The following CPZ variants were observed in gnomAD, a reference collection of about 807,000 sequenced individuals.
The protein encoded by CPZ is VEZT/CPZ fusion.
CPZ carries 103 observed loss-of-function variants against 61.8 expected under a neutral mutation model. The observed-to-expected ratio is 1.67, with a 90% confidence interval of 1.42 to 1.96. CPZ has a LOEUF of 1.96. Ranked by LOEUF, CPZ falls within the 30% of genes most tolerant of loss-of-function variation. The pLI is 0.00. For missense variants in CPZ, 1,461 were observed against 914.9 expected (o/e 1.60, Z -7.70); for synonymous variants, 551 against 373.7 (o/e 1.47, Z -5.47).
chr4:8,608,462 C>G (rs937800347), intron 7 of CPZ, among the ~76,000 whole-genome samples: 1 of 152,192 alleles, frequency 6.6e-6, no homozygotes, highest in African/African-American at 2.4e-5. Flanking sequence ...TAGCTGGGCC[C>G]CTGGTTGGCA....
intron 7 of CPZ, 73 bp downstream of exon 7, chr4:8,607,498 A>G: frequency 6.5e-7 from 1 of 1,531,920 alleles, no homozygotes; most frequent in Non-Finnish European, 8.8e-7. Flanking sequence ...GTGCCCCTCC[A>G]GTCCTGAGCT....
At chr4:8,613,576 C>T (rs1213979835) in intron 8 of CPZ, among the ~76,000 whole-genome samples, 1 of 152,238 alleles carries the variant, frequency 6.6e-6, no homozygotes, top group East Asian at 1.9e-4. Flanking sequence ...GCTCAGGAGC[C>T]TTGAACTTCA....
Position 8,618,521 on chromosome 4 carries a change from C to T in CPZ, c.1596C>T (p.Ile532=), listed in dbSNP as rs780173452. ...CAGTCAAAGGCATTCGCCACGACAT[C>T]ACCACAGGTGAGCACGTCCCTGGCT... ...RISVKGIRHD[I]TTAPDGDYWR... Residue 532 remains isoleucine (I), a synonymous_variant, in exon 10 of 11, where the codon ATC becomes ATT. Coordinates refer to ENST00000360986, the MANE Select transcript of CPZ (RefSeq NM_001014447.3). 5.0e-6 allele frequency: 8 copies of T among 1,613,576 alleles called. No homozygotes were observed. The highest frequency in any genetic ancestry group is 6.8e-6 in the Non-Finnish European group (8 of 1,179,994).
rs754042885 is a variant in CPZ, at chr4:8,619,281, G to C, written c.1623G>C (p.Trp541Cys). The change falls in exon 11 of 11, where the codon TGG becomes TGC. Residue 541 changes from tryptophan (W) to cysteine (C), a missense_variant. Trp to Cys is a radical substitution (Grantham distance 215). Transcript: ENST00000360986. ...CCACAGCCCCAGATGGTGACTACTG[G>C]AGACTGCTGCCCCCAGGTATCCACA... ...DITTAPDGDYWRLLPPGIHIV... is the reference protein window; with the variant it reads ...DITTAPDGDYCRLLPPGIHIV... 1.9e-6 allele frequency: 3 copies of C among 1,612,490 alleles called. No individual in the cohort carries two copies. The highest frequency in any genetic ancestry group is 2.5e-6 in the Non-Finnish European group (3 of 1,179,330).
Position 8,614,033 on chromosome 4 carries a change from G to A in CPZ, c.1364-326G>A, listed in dbSNP as rs186694103. Among the ~76,000 whole-genome samples, 267 of 152,380 alleles carry A rather than the reference G, an allele frequency of 1.8e-3. 1 individual carries two copies. Among genetic ancestry groups the A allele is most frequent in the Middle Eastern group, 0.01 (3 of 294 alleles). ...AAGCCTGTGGACTTTGCCGCCAAGC[G>A]GCCTGAGCTCAAGATGCAGCTCTGC... On this transcript the variant is annotated intron_variant, in intron 8 of 10. Coordinates refer to ENST00000360986, the MANE Select transcript of CPZ (RefSeq NM_001014447.3).
rs77931481 is a variant in CPZ at position 8,618,812 on chromosome 4, G to T, written c.1603+284G>T. 4.6e-3 allele frequency among the ~76,000 whole-genome samples: 699 copies of T among 152,336 alleles called. 3 individuals are homozygous for T. The highest frequency in any genetic ancestry group is 0.016 in the African/African-American group (658 of 41,574). On this transcript the variant is annotated intron_variant, in intron 10 of 10. Transcript: ENST00000360986. The stretch of plus-strand genomic sequence containing the variant: ...CCGCCTCCTCCAACATTGCCGGGGA[G>T]AGCCACCTCCACCCCTAAGCCTGTT...
chr4:8,599,753 C>A (rs1714437778), intron 2 of CPZ: 2 of 663,070 alleles, frequency 3.0e-6, no homozygotes, highest in Non-Finnish European at 4.7e-6. Flanking sequence ...CCTCTCCAGT[C>A]CCCACTGCAG....
intron 3 of CPZ, chr4:8,602,893 A>G (rs1443037365): frequency 6.6e-6 from 1 of 152,224 alleles, no homozygotes; most frequent in Non-Finnish European, 1.5e-5. Flanking sequence ...CTCCCATGCG[A>G]TGCAGCGGTA....
At position 8,619,705 on chromosome 4, in the gene CPZ, C is replaced by A; in HGVS notation, c.*88C>A. On this transcript the variant is annotated 3_prime_UTR_variant, in exon 11 of 11. Transcript: ENST00000360986. ...GGCTCTTGATTTTGTCTGCCACAGACATCCCACAAAGCCGCTGCCATTTTA... is the reference window on the plus strand; with the variant it reads ...GGCTCTTGATTTTGTCTGCCACAGAAATCCCACAAAGCCGCTGCCATTTTA... The A allele has an allele frequency of 9.7e-7, 1 of 1,028,988 alleles. No homozygotes were observed. The allele number at this position is 1,028,988 out of a possible 1,614,324, so 63.7% of individuals were successfully genotyped here. A position where few individuals can be genotyped will look rare whatever the true frequency, so the allele number is the denominator to read the frequency against.
At chr4:8,603,495 G>A (rs1279943474) in intron 3 of CPZ, 1 of 161,836 alleles carries the variant, frequency 6.2e-6, no homozygotes, top group Non-Finnish European at 1.3e-5. Flanking sequence ...CAGAAACACT[G>A]GGAAGCCTCA....
intron 1 of CPZ, among the ~76,000 whole-genome samples, chr4:8,594,461 G>T (rs554855020): frequency 6.6e-6 from 1 of 152,200 alleles, no homozygotes; most frequent in Non-Finnish European, 1.5e-5. Flanking sequence ...CTGGGATTCA[G>T]ATTCTGACTC....
chr4:8,611,082 G>T, intron 7 of CPZ: 1 of 362,400 alleles, frequency 2.8e-6, no homozygotes. Context: ...TCATTCATTC[G>T]CTCATTCACT....
chr4:8,600,428 G>A (rs960184257), intron 2 of CPZ, among the ~76,000 whole-genome samples: 3 of 152,214 alleles, frequency 2.0e-5, no homozygotes, highest in African/African-American at 7.2e-5. Context: ...CCATCTGGGG[G>A]TGCGAGTGTG....
Position 8,606,197 on chromosome 4 carries a change from G to A in CPZ, c.906+12G>A, listed in dbSNP as rs756104064. 2.2e-5 allele frequency: 35 copies of A among 1,609,370 alleles called. No homozygotes were observed. The highest frequency in any genetic ancestry group is 2.8e-5 in the Non-Finnish European group (33 of 1,177,360). ...TGGCAGCTGCCGAGGTGAGCGCCCA[G>A]ATGCCTGGATCCTGTGGGCCACCGC... On this transcript the variant is annotated intron_variant, in intron 5 of 10. Transcript: ENST00000360986.
intron 5 of CPZ, 128 bp downstream of exon 5, chr4:8,606,313 G>C: frequency 1.1e-6 from 1 of 925,460 alleles, no homozygotes; most frequent in Non-Finnish European, 1.6e-6. Flanking sequence ...TTCAGCAGGT[G>C]TCGATACTGG....
intron 9 of CPZ, chr4:8,618,213 G>T (rs548261188): frequency 7.0e-6 from 4 of 575,168 alleles, no homozygotes; most frequent in South Asian, 2.0e-5. Context: ...AGCCCAGAAC[G>T]TGCTCGGGTC....
intron 1 of CPZ, 34 bp downstream of exon 1, chr4:8,592,955 C>T: frequency 6.8e-7 from 1 of 1,466,100 alleles, no homozygotes; most frequent in Non-Finnish European, 9.2e-7. Context: ...CCTCCACCCT[C>T]CACCCTGCAA....
At chr4:8,601,529 A>T in intron 3 of CPZ, 32 bp downstream of exon 3, 1 of 1,438,174 alleles carries the variant, frequency 7.0e-7, no homozygotes, top group South Asian at 1.5e-5. Context: ...CTGTGTGGTC[A>T]TGGGGTCCAG....
In CPZ at chr4:8,601,104, G is replaced by A. The variant is rs780967475; in HGVS notation, c.122-19G>A. The stretch of plus-strand genomic sequence containing the variant: ...GGGCCACTGCAGGAGGGACTGACCT[G>A]CCGACCCTGCCTCCCCAGCCACCTG... On this transcript the variant is annotated intron_variant, in intron 2 of 10. Transcript: ENST00000360986. The A allele has an allele frequency of 2.6e-6, 4 of 1,553,114 alleles. No individual in the cohort carries two copies. In the South Asian group the frequency reaches 4.9e-5, roughly 19 times the overall value.
Sources: allele counts gnomAD v4.1 joint callset (sites outside exome capture counted in the v4.1 genomes callset), GRCh38; gene constraint gnomAD v4.1.1; transcripts MANE v1.5; gene names NCBI Gene and HGNC (gene_info 2026-07-23, HGNC 2026-07-21).